The following CORO2B variants were observed in gnomAD, a reference collection of about 807,000 sequenced individuals.
The protein encoded by CORO2B is coronin 2B.
Under a neutral mutation model 58.8 loss-of-function variants are expected in CORO2B, and 26 were observed. The ratio of observed to expected loss-of-function variants is 0.44; its 90% CI spans 0.32 to 0.61. CORO2B has a LOEUF of 0.61. Among genes scored for constraint, CORO2B ranks in the 20% least tolerant of loss-of-function variants. The pLI, the probability that CORO2B is intolerant of heterozygous loss-of-function variation, is 0.04. For missense variants in CORO2B, 460 were observed against 645.1 expected (o/e 0.71, Z 3.11); for synonymous variants, 242 against 253.8 (o/e 0.95, Z 0.44).
chr15:68,649,771 A>G (rs976319855), intron 2 of CORO2B, among the ~76,000 whole-genome samples: 2 of 152,208 alleles, frequency 1.3e-5, no homozygotes, highest in African/African-American at 4.8e-5. Flanking sequence ...GAATGGCATC[A>G]TTTTACACTT....
chr15:68,560,597 C>A, the CORO2B span, among the ~76,000 whole-genome samples: 4 of 152,200 alleles, frequency 2.6e-5, no homozygotes, highest in Non-Finnish European at 4.4e-5. Flanking sequence ...CCGCGCCCAG[C>A]CTGCAGGTTC....
In CORO2B at chr15:68,621,133, A is replaced by T. The variant is rs1286592105; in HGVS notation, c.16-24027A>T. Among the ~76,000 whole-genome samples the T allele has an allele frequency of 2.0e-5, 3 of 152,330 alleles. No individual in the cohort carries two copies. In the East Asian group the frequency reaches 5.8e-4, roughly 29 times the overall value. ...TGACCACCATAAACCCTGCCAGTGC[A>T]GGTGTAGGGACCCTCAAGGCCATAA... On this transcript the variant is annotated intron_variant, in intron 1 of 11. Transcript: ENST00000261861.
chr15:68,561,804 G>C, the CORO2B span, among the ~76,000 whole-genome samples: 1 of 152,210 alleles, frequency 6.6e-6, no homozygotes, highest in Non-Finnish European at 1.5e-5. Flanking sequence ...GGGTCTGAGA[G>C]TATGAGGCCA....
chr15:68,704,277 AG>A (rs1338935852), intron 3 of CORO2B, among the ~76,000 whole-genome samples: 1 of 152,036 alleles, frequency 6.6e-6, no homozygotes, highest in Non-Finnish European at 1.5e-5. Flanking sequence ...TTACATCTAA[AG>A]TTTGACCACT....
At chr15:68,597,622 C>CCA (rs1044965999) in intron 1 of CORO2B, among the ~76,000 whole-genome samples, 2 of 143,960 alleles carry the variant, frequency 1.4e-5, no homozygotes, top group African/African-American at 5.5e-5. Flanking sequence ...CTGTTTCCCC[C>CCA]CCATCAAAAA....
intron 6 of CORO2B, 135 bp from the exon 7 acceptor site, chr15:68,714,424 C>A: frequency 1.4e-6 from 1 of 703,332 alleles, no homozygotes; most frequent in South Asian, 1.7e-5. Context: ...TGCCACCACC[C>A]ATAGGACGGG....
chr15:68,619,678 T>G (rs1464327195), intron 1 of CORO2B, among the ~76,000 whole-genome samples: 3 of 152,026 alleles, frequency 2.0e-5, no homozygotes, highest in Non-Finnish European at 4.4e-5. Context: ...TGTGTGTGTG[T>G]GTATATATAT....
At chr15:68,711,486 A>T in intron 4 of CORO2B, 56 bp from the exon 5 acceptor site, 1 of 1,521,328 alleles carries the variant, frequency 6.6e-7, no homozygotes, top group Non-Finnish European at 8.9e-7. Context: ...CTGGGGACAA[A>T]CACCCCAGGA....
chr15:68,528,940 A>C, the CORO2B span, among the ~76,000 whole-genome samples: 41 of 152,334 alleles, frequency 2.7e-4, no homozygotes, highest in Non-Finnish European at 5.3e-4. Context: ...AACGTTTATA[A>C]ATTCATGCAT....
intron 11 of CORO2B, among the ~76,000 whole-genome samples, chr15:68,721,462 T>C (rs1359331671): frequency 6.6e-6 from 1 of 152,022 alleles, no homozygotes; most frequent in Non-Finnish European, 1.5e-5. Flanking sequence ...TCCCAGCACG[T>C]TGAGAGGCCA....
intron 1 of CORO2B, among the ~76,000 whole-genome samples, chr15:68,624,177 C>T (rs868206701): frequency 3.9e-5 from 6 of 152,180 alleles, no homozygotes; most frequent in Non-Finnish European, 8.8e-5. Context: ...TCAGGGTGCT[C>T]TGTAAACTAG....
chr15:68,531,112 C>T, the CORO2B span, among the ~76,000 whole-genome samples: 7 of 152,128 alleles, frequency 4.6e-5, no homozygotes, highest in African/African-American at 1.7e-4. Flanking sequence ...ACCCTTACAA[C>T]ACTATACTCT....
chr15:68,685,052 G>T (rs557578970), intron 2 of CORO2B, among the ~76,000 whole-genome samples: 2 of 152,134 alleles, frequency 1.3e-5, no homozygotes, highest in Non-Finnish European at 2.9e-5. Flanking sequence ...TCATACTGAG[G>T]CTTGGGATTC....
intron 1 of CORO2B, among the ~76,000 whole-genome samples, chr15:68,598,362 G>T (rs923382085): frequency 5.9e-5 from 9 of 152,220 alleles, no homozygotes; most frequent in Admixed American, 3.9e-4. Context: ...TTGGTAGGGG[G>T]TGGAGATAAA....
intron 11 of CORO2B, 23 bp from the exon 12 acceptor site, chr15:68,725,819 GC>G (rs752828037): frequency 6.7e-5 from 108 of 1,612,282 alleles, no homozygotes; most frequent in African/African-American, 1.9e-4. Flanking sequence ...GCCCTCCTTG[GC>G]CCCCTCTCTT....
intron 1 of CORO2B, chr15:68,616,517 G>T: frequency 1.0e-6 from 1 of 985,166 alleles, no homozygotes. Flanking sequence ...TCCCTTAAAA[G>T]CAGGCAGCTG....
chr15:68,651,650 C>T (rs747598174), intron 2 of CORO2B, among the ~76,000 whole-genome samples: 3 of 152,122 alleles, frequency 2.0e-5, no homozygotes, highest in Admixed American at 6.5e-5. Flanking sequence ...AACAGCAGGC[C>T]GCAGAGAATT....
intron 3 of CORO2B, among the ~76,000 whole-genome samples, chr15:68,701,264 T>C (rs1231165524): frequency 6.6e-6 from 1 of 152,142 alleles, no homozygotes; most frequent in Non-Finnish European, 1.5e-5. Context: ...AAATCCTGGC[T>C]CTGCCACTTC....
At chr15:68,655,463 C>G (rs1805210136) in intron 2 of CORO2B, among the ~76,000 whole-genome samples, 1 of 152,124 alleles carries the variant, frequency 6.6e-6, no homozygotes, top group Non-Finnish European at 1.5e-5. Context: ...CCCCAGGGAT[C>G]ATAGATTCCA....
Sources: gnomAD v4.1 joint callset for allele counts (sites outside exome capture counted in the v4.1 genomes callset) on GRCh38, gnomAD v4.1.1 for gene constraint, MANE v1.5 for transcripts, NCBI Gene and HGNC (gene_info 2026-07-23, HGNC 2026-07-21) for gene names.